Variants in CD163L1 observed in about 807,000 individuals in gnomAD.
The protein encoded by CD163L1 is scavenger receptor cysteine-rich type 1 protein M160.
A neutral mutation model predicts 165.4 loss-of-function variants in CD163L1; 124 were observed. The observed-to-expected ratio is 0.75, with a 90% CI of 0.65 to 0.87. The LOEUF (loss-of-function observed/expected upper bound fraction) is 0.87, where lower values mean the gene tolerates loss of function less well. Among genes scored for constraint, CD163L1 ranks in the 40% least tolerant of loss-of-function variants. The pLI, the probability that CD163L1 is intolerant of heterozygous loss-of-function variation, is 0.00. For synonymous variants in CD163L1, 585 were observed against 662.2 expected, an observed-to-expected ratio of 0.88 and a Z score of 1.79; for missense variants, 1,525 against 1,799.9, an observed-to-expected ratio of 0.85 and a Z score of 2.76.
the CD163L1 span, among the ~76,000 whole-genome samples, chr12:7,319,718 A>G: frequency 6.6e-6 from 1 of 152,074 alleles, no homozygotes; most frequent in Admixed American, 6.5e-5. Flanking sequence ...TGGGTTGGGG[A>G]TCCCTGGTTA....
At chr12:7,383,774 GC>G (rs1458849906) in intron 8 of CD163L1, among the ~76,000 whole-genome samples, 1 of 152,108 alleles carries the variant, frequency 6.6e-6, no homozygotes, top group Admixed American at 6.6e-5. Flanking sequence ...AAGATAAACT[GC>G]CCTACCCAAC....
the CD163L1 span, chr12:7,328,352 C>A: frequency 6.3e-7 from 1 of 1,592,088 alleles, no homozygotes; most frequent in South Asian, 1.1e-5. Flanking sequence ...TTTTAAGAGA[C>A]CAAGAATGGA....
At chr12:7,332,798 A>T in the CD163L1 span, among the ~76,000 whole-genome samples, 1 of 152,232 alleles carries the variant, frequency 6.6e-6, no homozygotes, top group South Asian at 2.1e-4. Context: ...AAACATGGAA[A>T]GGAACAACCA....
chr12:7,320,224 A>AT, the CD163L1 span, among the ~76,000 whole-genome samples: 9,311 of 152,254 alleles, frequency 0.061, 384 homozygotes, highest in East Asian at 0.16. Context: ...AACTCAGCAA[A>AT]TTTTTAAAAA....
chr12:7,352,045 T>C (rs867332317), downstream of CD163L1, among the ~76,000 whole-genome samples: 19 of 152,186 alleles, frequency 1.2e-4, no homozygotes, highest in South Asian at 6.2e-4. Context: ...TTTCAACAAA[T>C]AAAGTAAAAA....
chr12:7,335,648 A>G, the CD163L1 span, among the ~76,000 whole-genome samples: 1 of 152,222 alleles, frequency 6.6e-6, no homozygotes, highest in African/African-American at 2.4e-5. Flanking sequence ...AAAAGGCAAA[A>G]TTGACAAATG....
chr12:7,328,996 A>ATATACACATCTATATC, the CD163L1 span, among the ~76,000 whole-genome samples: 14 of 148,352 alleles, frequency 9.4e-5, no homozygotes, highest in African/African-American at 3.4e-4. Context: ...ATATACACAT[A>ATATACACATCTATATC]TGTATATATA....
Position 7,369,777 on chromosome 12 carries a change from A to G in CD163L1, c.3731-112T>C. 1 of 883,876 alleles carries G rather than the reference A, an allele frequency of 1.1e-6. No individual in the cohort carries two copies. Among genetic ancestry groups the G allele is most frequent in the Non-Finnish European group, 1.8e-6 (1 of 570,008 alleles). 54.8% of individuals were successfully genotyped at this position (883,876 alleles called of 1,614,324 possible). On this transcript the variant is annotated intron_variant, in intron 14 of 19. Transcript: ENST00000313599. This position sits in a 1 kb window ranked among gnomAD's most constrained non-coding sequence, Gnocchi z 4.9. Reference sequence around the variant, plus strand: ...GTGCTTGATGAATATGGGTGTGGTAAGGAAGGCAGAATTTCAATGTTACAT... The same window carrying G: ...GTGCTTGATGAATATGGGTGTGGTAGGGAAGGCAGAATTTCAATGTTACAT...
chr12:7,331,502 C>T, the CD163L1 span, among the ~76,000 whole-genome samples: 1 of 152,198 alleles, frequency 6.6e-6, no homozygotes, highest in Non-Finnish European at 1.5e-5. Context: ...GGGTCCCTGA[C>T]CCCTGAGTAG....
At position 7,373,236 on chromosome 12, in the gene CD163L1, C is replaced by T; in HGVS notation, c.3730+84G>A. On this transcript the variant is annotated intron_variant, in intron 14 of 19. Transcript: ENST00000313599. ...CACTTTTCAGTGAGTCTGCCATGTG[C>T]TCCTGAATGGAAAGATTTGCTATTT... 1.9e-5 allele frequency: 22 copies of T among 1,174,498 alleles called. 2 individuals carry two copies. The South Asian group carries it at 3.1e-4, about 17-fold the overall frequency. 72.8% of individuals were successfully genotyped at this position (1,174,498 alleles called of 1,614,324 possible).
At chr12:7,328,649 A>G in the CD163L1 span, 880 of 206,860 alleles carry the variant, frequency 4.3e-3, 19 homozygotes, top group East Asian at 0.061. Context: ...ATTGCTTAGA[A>G]CAAGAAAGTG....
At position 7,379,137 on chromosome 12, in the gene CD163L1, T is replaced by C. The variant is rs1296916043; in HGVS notation, c.2212A>G (p.Arg738Gly). The C allele has an allele frequency of 2.2e-5, 35 of 1,614,050 alleles. No individual in the cohort carries two copies. The highest frequency in any genetic ancestry group is 2.7e-5 in the Non-Finnish European group (32 of 1,180,022). ...GTGAAATGAGGCTCTCTGGAGACCC[T>C]GATTGCAGACCCACATTCAAGTTGC... ...CRQLECGSAIRVSREPHFTER... is the reference protein window; with the variant it reads ...CRQLECGSAIGVSREPHFTER... Residue 738 changes from arginine to glycine, a missense_variant, in exon 9 of 20, where the codon AGG becomes GGG. Arg to Gly is a moderately radical substitution (Grantham distance 125). Coordinates refer to ENST00000313599, the MANE Select transcript of CD163L1 (RefSeq NM_174941.6).
At chr12:7,424,499 A>T (rs767682831) in intron 4 of CD163L1, among the ~76,000 whole-genome samples, 32 of 152,152 alleles carry the variant, frequency 2.1e-4, no homozygotes, top group Non-Finnish European at 3.4e-4. Context: ...CAATCAGGCA[A>T]GAGAAAGAAA....
chr12:7,365,576 C>G (rs1395486112), intron 18 of CD163L1, among the ~76,000 whole-genome samples: 1 of 151,962 alleles, frequency 6.6e-6, no homozygotes, highest in Non-Finnish European at 1.5e-5. Context: ...AAAAAACCAA[C>G]TAATCTGATT....
the CD163L1 span, chr12:7,322,557 A>G: frequency 6.2e-7 from 1 of 1,607,580 alleles, no homozygotes; most frequent in Admixed American, 1.7e-5. Context: ...TCTAAAGGGC[A>G]TTTATGTTTA....
In CD163L1 at chr12:7,372,420, A is replaced by T. The variant is rs1947163927; in HGVS notation, c.3730+900T>A. ...AGAGATTCACCGAAAATGAATAAGG[A>T]TGCTTATAATGGCATTATTTATACT... On this transcript the variant is annotated intron_variant, in intron 14 of 19. Coordinates refer to ENST00000313599, the MANE Select transcript of CD163L1 (RefSeq NM_174941.6). The surrounding 1 kb of genome is among the most constrained non-coding windows in gnomAD (Gnocchi z 4.2). Among the ~76,000 whole-genome samples, 1 of 152,134 alleles carries T rather than the reference A, an allele frequency of 6.6e-6. No homozygotes were observed. Among genetic ancestry groups the T allele is most frequent in the Non-Finnish European group, 1.5e-5 (1 of 67,966 alleles).
intron 8 of CD163L1, among the ~76,000 whole-genome samples, chr12:7,380,839 A>G (rs1191414606): frequency 6.6e-6 from 1 of 152,176 alleles, no homozygotes; most frequent in Non-Finnish European, 1.5e-5. Context: ...TTCTGAGCCT[A>G]ATTGAAAGAG....
chr12:7,444,021 C>G, intron 1 of CD163L1, 76 bp downstream of exon 1: 1 of 1,325,122 alleles, frequency 7.5e-7, no homozygotes, highest in Non-Finnish European at 1.1e-6. Flanking sequence ...ATATTTATAT[C>G]TGTTTGTTGT....
chr12:7,374,719 G>A lies in CD163L1; in HGVS notation c.3132C>T (p.Arg1044=). The A allele has an allele frequency of 6.2e-7, 1 of 1,614,062 alleles. No individual in the cohort carries two copies. The highest frequency in any genetic ancestry group is 8.5e-7 in the Non-Finnish European group (1 of 1,179,944). The change falls in exon 13 of 20, where the codon CGC becomes CGT. Residue 1044 remains arginine, a synonymous_variant. Transcript: ENST00000313599. The surrounding 1 kb of genome is among the most constrained non-coding windows in gnomAD (Gnocchi z 5.4). ...KRLRLVDGDS[R]CAGRVEIYHD... ...GATAGATCTCTACTCTCCCGGCACA[G>A]CGGCTGTCCCCATCCACTAGGCGGA... is the stretch of plus-strand genomic sequence containing the variant.
Sources: gnomAD v4.1 joint callset for allele counts (sites outside exome capture counted in the v4.1 genomes callset) on GRCh38, gnomAD v4.1.1 for gene constraint, Gnocchi (gnomAD v3.1) non-coding constraint, MANE v1.5 for transcripts, NCBI Gene and HGNC (gene_info 2026-07-23, HGNC 2026-07-21) for gene names.